Variants in SUMO2 observed in about 807,000 individuals in gnomAD.
SUMO2 encodes small ubiquitin like modifier 2, also known as small ubiquitin-related modifier 2.
A neutral mutation model predicts 16.0 loss-of-function variants in SUMO2; 1 was observed. The observed-to-expected ratio is 0.06, with a 90% CI of 0.02 to 0.30. The LOEUF is 0.30. Among genes scored for constraint, SUMO2 ranks in the 10% least tolerant of loss-of-function variants. The pLI, the probability that SUMO2 is intolerant of heterozygous loss-of-function variation, is 1.00. For missense variants in SUMO2, 16 were observed against 117.5 expected, an observed-to-expected ratio of 0.14 and a Z score of 3.99; for synonymous variants, 36 against 40.6, an observed-to-expected ratio of 0.89 and a Z score of 0.43.
Position 75,167,682 on chromosome 17 carries a change from C to T in SUMO2, c.*657G>A, listed in dbSNP as rs2127081. 6.6e-6 allele frequency: 1 copy of T among 152,430 alleles called. No homozygotes were observed. Among genetic ancestry groups the T allele is most frequent in the East Asian group, 1.9e-4 (1 of 5,198 alleles). The allele number at this position is 152,430 out of a possible 1,614,324, so 9.4% of individuals were successfully genotyped here. On this transcript the variant is annotated 3_prime_UTR_variant, in exon 4 of 4. Transcript: ENST00000420826. ...CTAAGCAGGCCTATTTATGTTTTTT[C>T]TAAGCCTCAATTTTCTATTTAATAT... is the stretch of plus-strand genomic sequence containing the variant.
At chr17:75,175,700 T>C (rs1162141011) in intron 2 of SUMO2, among the ~76,000 whole-genome samples, 4 of 149,684 alleles carry the variant, frequency 2.7e-5, no homozygotes, top group Admixed American at 2.0e-4. Context: ...TGGTGCGATC[T>C]TGGCTCACTG....
chr17:75,180,802 T>TA (rs201786825), intron 2 of SUMO2, among the ~76,000 whole-genome samples: 5,375 of 151,706 alleles, frequency 0.035, 143 homozygotes, highest in Non-Finnish European at 0.054. Flanking sequence ...ATTTCCTTGG[T>TA]AAAAAAAAAT....
At chr17:75,169,385 ATTT>A (rs746519441) in intron 3 of SUMO2, among the ~76,000 whole-genome samples, 2 of 141,842 alleles carry the variant, frequency 1.4e-5, no homozygotes, top group Non-Finnish European at 1.6e-5. Context: ...TTAAAAAAAA[ATTT>A]TTTTTTTTTT....
At chr17:75,180,392 TAAAA>T (rs58684188) in intron 2 of SUMO2, among the ~76,000 whole-genome samples, 2,255 of 44,654 alleles carry the variant, frequency 0.05, 107 homozygotes, top group African/African-American at 0.17. Flanking sequence ...ACTCCCAGCT[TAAAA>T]AAAAAAAAAA....
rs1224804865 is a variant in SUMO2 at position 75,168,570 on chromosome 17, T to C, written c.226-169A>G. Among the ~76,000 whole-genome samples, 4 of 152,164 alleles carry C rather than the reference T, an allele frequency of 2.6e-5. No homozygotes were observed. In the South Asian group the frequency reaches 8.3e-4, roughly 31 times the overall value. On this transcript the variant is annotated intron_variant, in intron 3 of 3. Transcript: ENST00000420826. ...TCAACACACTTGGTTTAAGTAATTT[T>C]TCACTTGGCTTCCTTTTTTATGACT...
chr17:75,176,363 T>A (rs993368854), intron 2 of SUMO2, among the ~76,000 whole-genome samples: 1 of 152,084 alleles, frequency 6.6e-6, no homozygotes, highest in Admixed American at 6.6e-5. Flanking sequence ...GCTCACACTG[T>A]AATTCCAACA....
chr17:75,180,731 T>G (rs2074822648), intron 2 of SUMO2, among the ~76,000 whole-genome samples: 1 of 151,918 alleles, frequency 6.6e-6, no homozygotes, highest in Non-Finnish European at 1.5e-5. Context: ...AATAAAATAA[T>G]AAAAGACTTA....
chr17:75,178,501 G>A (rs542464896), intron 2 of SUMO2, among the ~76,000 whole-genome samples: 87 of 134,400 alleles, frequency 6.5e-4, no homozygotes, highest in African/African-American at 2.3e-3. Context: ...GCAACAGTGC[G>A]AGACTCTCAA....
At chr17:75,181,709 C>A (rs1459589995) in intron 1 of SUMO2, among the ~76,000 whole-genome samples, 1 of 152,056 alleles carries the variant, frequency 6.6e-6, no homozygotes, top group Non-Finnish European at 1.5e-5. Context: ...ACAAAAAAAA[C>A]AATCGAAGAA....
intron 2 of SUMO2, among the ~76,000 whole-genome samples, chr17:75,179,875 G>T (rs1406157385): frequency 6.6e-6 from 1 of 152,062 alleles, no homozygotes; most frequent in Admixed American, 6.6e-5. Context: ...TGGCCAGGCT[G>T]ATGTCAACTG....
chr17:75,171,089 C>T (rs1419424836), intron 3 of SUMO2, among the ~76,000 whole-genome samples: 1 of 151,318 alleles, frequency 6.6e-6, no homozygotes, highest in Non-Finnish European at 1.5e-5. Flanking sequence ...AAAAAGTACA[C>T]CCCAAGGAGC....
intron 2 of SUMO2, among the ~76,000 whole-genome samples, chr17:75,180,637 G>A (rs772473616): frequency 6.6e-6 from 1 of 151,952 alleles, no homozygotes; most frequent in Non-Finnish European, 1.5e-5. Flanking sequence ...AAAATCGCTT[G>A]AAGTGGAGGT....
At chr17:75,177,988 CAAAAAAAAAAAAAA>C (rs59613076) in intron 2 of SUMO2, among the ~76,000 whole-genome samples, 1 of 66,400 alleles carries the variant, frequency 1.5e-5, no homozygotes, top group African/African-American at 6.8e-5. Flanking sequence ...GACTCCGTCT[CAAAAAAAAAAAAAA>C]AAAAAAAAAG....
At position 75,179,043 on chromosome 17, in the gene SUMO2, C is replaced by T. The variant is rs536018300; in HGVS notation, c.153+2014G>A. Among the ~76,000 whole-genome samples, 101 of 152,250 alleles carry T rather than the reference C, an allele frequency of 6.6e-4. 1 individual carries two copies. Among genetic ancestry groups the T allele is most frequent in the African/African-American group, 2.1e-3 (86 of 41,564 alleles). On this transcript the variant is annotated intron_variant, in intron 2 of 3. Transcript: ENST00000420826. Reference sequence around the variant, plus strand: ...GGCCTCCCAAAGTGCTGGATTACCACGCCCAGCCTATGATTTTCTATTTTG... The same window carrying T: ...GGCCTCCCAAAGTGCTGGATTACCATGCCCAGCCTATGATTTTCTATTTTG...
At chr17:75,173,003 A>G (rs188841632) in intron 3 of SUMO2, among the ~76,000 whole-genome samples, 1 of 152,130 alleles carries the variant, frequency 6.6e-6, no homozygotes, top group East Asian at 1.9e-4. Context: ...GGCTTTTCCA[A>G]TTTTCAAAGA....
chr17:75,179,044 G>A (rs1014326247), intron 2 of SUMO2, among the ~76,000 whole-genome samples: 13 of 152,194 alleles, frequency 8.5e-5, no homozygotes, highest in East Asian at 7.7e-4. Context: ...GGATTACCAC[G>A]CCCAGCCTAT....
chr17:75,171,387 G>A (rs552509173), intron 3 of SUMO2, among the ~76,000 whole-genome samples: 4 of 151,892 alleles, frequency 2.6e-5, no homozygotes, highest in African/African-American at 9.6e-5. Context: ...CATGGTGGGC[G>A]CCTGTAATCC....
chr17:75,180,449 A>C (rs2074820586), intron 2 of SUMO2, among the ~76,000 whole-genome samples: 1 of 139,138 alleles, frequency 7.2e-6, no homozygotes, highest in South Asian at 2.3e-4. Context: ...GCGGTGGCTC[A>C]TGCTTGTAAT....
chr17:75,180,403 A>AAC (rs2074818281), intron 2 of SUMO2, among the ~76,000 whole-genome samples: 1 of 136,930 alleles, frequency 7.3e-6, no homozygotes, highest in Non-Finnish European at 1.6e-5. Context: ...AAAAAAAAAA[A>AAC]AAAAAAAAAA....
Sources: allele counts gnomAD v4.1 joint callset (sites outside exome capture counted in the v4.1 genomes callset), GRCh38; gene constraint gnomAD v4.1.1; transcripts MANE v1.5; gene names NCBI Gene and HGNC (gene_info 2026-07-23, HGNC 2026-07-21).